PON3: variants seen among roughly 807,000 people sequenced by gnomAD.
The protein encoded by PON3 is serum paraoxonase/lactonase 3.
In PON3, 37 loss-of-function variants were observed where a neutral mutation model predicts 36.3. The ratio of observed to expected loss-of-function variants is 1.02; its 90% CI spans 0.78 to 1.34. The LOEUF is 1.34. Ranked by LOEUF, PON3 falls within the 40% of genes most tolerant of loss-of-function variation. The pLI is 0.00. For synonymous variants in PON3, 155 were observed against 154.8 expected (o/e 1.00, Z -0.01); for missense variants, 415 against 426.5 (o/e 0.97, Z 0.24).
intron 4 of PON3, among the ~76,000 whole-genome samples, chr7:95,371,854 T>G (rs1808814311): frequency 6.6e-6 from 1 of 152,116 alleles, no homozygotes; most frequent in African/African-American, 2.4e-5. Flanking sequence ...CACAGTTGTC[T>G]TTAGTGACAA....
intron 3 of PON3, among the ~76,000 whole-genome samples, chr7:95,384,020 A>G (rs1448299348): frequency 1.3e-5 from 2 of 152,218 alleles, no homozygotes; most frequent in Non-Finnish European, 2.9e-5. Context: ...AGACCTATGG[A>G]ACAGAACAGA....
chr7:95,387,874 C>T (rs1210365718), intron 3 of PON3, among the ~76,000 whole-genome samples: 1 of 152,124 alleles, frequency 6.6e-6, no homozygotes, highest in African/African-American at 2.4e-5. Flanking sequence ...CAAAAACAAG[C>T]AATGGGAAAA....
intron 3 of PON3, among the ~76,000 whole-genome samples, chr7:95,386,274 G>A (rs6946761): frequency 0.44 from 66,964 of 151,846 alleles, 15,794 homozygotes; most frequent in East Asian, 0.74. Context: ...AATCAAATAG[G>A]TGCAATAAAA....
At chr7:95,362,929 C>T in intron 6 of PON3, 88 bp from the exon 7 acceptor site, 1 of 935,564 alleles carries the variant, frequency 1.1e-6, no homozygotes, top group Non-Finnish European at 1.7e-6. Context: ...TAAAAATGCA[C>T]ACTCCTTGAA....
chr7:95,390,441 C>G (rs1809294529), intron 2 of PON3, among the ~76,000 whole-genome samples: 1 of 152,132 alleles, frequency 6.6e-6, no homozygotes, highest in Non-Finnish European at 1.5e-5. Context: ...ACCCCATTTT[C>G]AGGAGAAAAA....
At chr7:95,379,644 C>T (rs952854812) in intron 3 of PON3, among the ~76,000 whole-genome samples, 3 of 152,176 alleles carry the variant, frequency 2.0e-5, no homozygotes, top group African/African-American at 2.4e-5. Context: ...AAGGGAGCAG[C>T]GAGGCTGGGG....
In PON3 at chr7:95,372,227, C is replaced by T; in HGVS notation, c.313G>A (p.Gly105Arg). Reference sequence around the variant, plus strand: ...GGATTAAATAATTCTTTGTCAAATCCACCACTGATTTCTAGCGCTTGTGCC... The same window carrying T: ...GGATTAAATAATTCTTTGTCAAATCTACCACTGATTTCTAGCGCTTGTGCC... ...PRAQALEISG[G>R]FDKELFNPHG... The change falls in exon 4 of 9, where the codon GGA (glycine) becomes AGA (arginine). Residue 105 changes from glycine to arginine, a missense_variant. Physicochemically the swap from Gly to Arg is moderately radical, Grantham distance 125 (BLOSUM62 -2). Coordinates refer to ENST00000265627, the MANE Select transcript of PON3 (RefSeq NM_000940.3). The T allele has an allele frequency of 1.9e-6, 3 of 1,613,780 alleles. No individual in the cohort carries two copies. Among genetic ancestry groups the T allele is most frequent in the Non-Finnish European group, 2.5e-6 (3 of 1,179,802 alleles).
At chr7:95,362,321 T>G in intron 8 of PON3, 41 bp downstream of exon 8, 1 of 1,612,236 alleles carries the variant, frequency 6.2e-7, no homozygotes, top group African/African-American at 1.3e-5. Context: ...AATTTGTTCT[T>G]GCAGCTTTGC....
intron 7 of PON3, 40 bp downstream of exon 7, chr7:95,362,720 T>TTC (rs1397117411): frequency 6.6e-7 from 1 of 1,525,670 alleles, no homozygotes; most frequent in East Asian, 2.3e-5. Flanking sequence ...GGGACTAAGG[T>TTC]AAGAAGTCAG....
rs752552219 is a variant in PON3, at chr7:95,396,281, A to G, written c.70T>C (p.Phe24Leu). ...LSLVGEMFLA[F>L]RERVNASREV... ...CCCTGTCAAGATGCCACTCACCTAA[A>G]CGCCAGGAACATCTCCCCGACTAAG... is the stretch of plus-strand genomic sequence containing the variant. Residue 24 changes from phenylalanine (F) to leucine (L), a missense_variant, in exon 1 of 9, where the codon TTT becomes CTT. Physicochemically the swap from Phe to Leu is conservative, Grantham distance 22. Transcript: ENST00000265627. 1 of 1,613,724 alleles carries G rather than the reference A, an allele frequency of 6.2e-7. No homozygotes were observed. Among genetic ancestry groups the G allele is most frequent in the East Asian group, 2.2e-5 (1 of 44,830 alleles).
At position 95,394,706 on chromosome 7, in the gene PON3, AC is replaced by A. The variant is rs900991946; in HGVS notation, c.82del (p.Val28Ter). The A allele has an allele frequency of 1.9e-6, 3 of 1,613,886 alleles. No individual in the cohort carries two copies. The African/African-American group carries it at 4.0e-5, about 22-fold the overall frequency. ...TGGCTCCACTTCTCGAGAGGCATTCACCCTTTCTCTGTAGAAGATAAAACCC... is the reference window on the plus strand; with the variant it reads ...TGGCTCCACTTCTCGAGAGGCATTCACCTTTCTCTGTAGAAGATAAAACCC... ...GEMFLAFRER[V>X]NASREVEPVE... On this transcript the variant is annotated frameshift_variant, in exon 2 of 9. Coordinates refer to ENST00000265627, the MANE Select transcript of PON3 (RefSeq NM_000940.3). LOFTEE classifies it high-confidence loss of function.
intron 2 of PON3, among the ~76,000 whole-genome samples, chr7:95,391,290 G>C (rs17166861): frequency 0.26 from 38,908 of 152,072 alleles, 5,411 homozygotes; most frequent in South Asian, 0.36. Flanking sequence ...GAATGGAAAG[G>C]AGTGGAAGAG....
At chr7:95,374,398 G>A (rs1223515944) in intron 3 of PON3, among the ~76,000 whole-genome samples, 1 of 151,860 alleles carries the variant, frequency 6.6e-6, no homozygotes, top group Non-Finnish European at 1.5e-5. Flanking sequence ...TTGGTTCCCT[G>A]TTCTCTAGGG....
At chr7:95,396,156 GGAGT>G (rs1206580980) in intron 1 of PON3, 117 bp downstream of exon 1, 1 of 1,036,420 alleles carries the variant, frequency 9.6e-7, no homozygotes, top group African/African-American at 1.6e-5. Context: ...GTGAGATGGA[GGAGT>G]GAGGTTCCAA....
intron 3 of PON3, among the ~76,000 whole-genome samples, chr7:95,382,253 A>G (rs567260829): frequency 6.6e-6 from 1 of 152,340 alleles, no homozygotes; most frequent in South Asian, 2.1e-4. Flanking sequence ...GAAAGCAGGA[A>G]AGATCTAAAA....
chr7:95,375,285 C>G (rs561275378), intron 3 of PON3, among the ~76,000 whole-genome samples: 255 of 147,866 alleles, frequency 1.7e-3, no homozygotes, highest in Non-Finnish European at 2.9e-3. Context: ...TATATATGTA[C>G]GTATATATGT....
chr7:95,372,148 T>G (rs1220639123), intron 4 of PON3, 25 bp downstream of exon 4: 1 of 1,605,842 alleles, frequency 6.2e-7, no homozygotes, highest in Non-Finnish European at 8.5e-7. Context: ...CATTTCCCCC[T>G]TATCCCTAAA....
At chr7:95,386,829 A>C (rs138553991) in intron 3 of PON3, among the ~76,000 whole-genome samples, 346 of 152,324 alleles carry the variant, frequency 2.3e-3, no homozygotes, top group Non-Finnish European at 3.7e-3. Context: ...GGCTGGTTCA[A>C]CATACACAAA....
chr7:95,360,884 A>C (rs1054071423), intron 8 of PON3, among the ~76,000 whole-genome samples: 1 of 152,156 alleles, frequency 6.6e-6, no homozygotes, highest in African/African-American at 2.4e-5. Flanking sequence ...CCTTCATCTC[A>C]GGTTTGTTAG....
Sources: allele counts gnomAD v4.1 joint callset (sites outside exome capture counted in the v4.1 genomes callset), GRCh38; gene constraint gnomAD v4.1.1; transcripts MANE v1.5; gene names NCBI Gene and HGNC (gene_info 2026-07-23, HGNC 2026-07-21).